The following GPD1L variants were observed in gnomAD, a reference collection of about 807,000 sequenced individuals.
GPD1L encodes glycerol-3-phosphate dehydrogenase 1-like protein.
In GPD1L, 17 loss-of-function variants were observed where a neutral mutation model predicts 32.9. That is an observed-to-expected ratio of 0.52 (90% CI 0.35 to 0.78). The LOEUF is 0.78. GPD1L is among the 30% of genes least tolerant of loss of function. The pLI is 0.01. For synonymous variants in GPD1L, 187 were observed against 165.9 expected (o/e 1.13, Z -0.98); for missense variants, 361 against 447.8 (o/e 0.81, Z 1.75).
At chr3:32,127,282 T>C (rs1700524210) in intron 1 of GPD1L, among the ~76,000 whole-genome samples, 1 of 152,186 alleles carries the variant, frequency 6.6e-6, no homozygotes. Flanking sequence ...AAACAAACTG[T>C]TTCTCAGTTG....
chr3:32,110,746 G>A (rs1392848170), intron 1 of GPD1L, among the ~76,000 whole-genome samples: 1 of 152,230 alleles, frequency 6.6e-6, no homozygotes. Context: ...GCCCACTGCC[G>A]CAGGTGCAGG....
At chr3:32,130,734 C>T (rs1488363413) in intron 2 of GPD1L, among the ~76,000 whole-genome samples, 4 of 145,194 alleles carry the variant, frequency 2.8e-5, no homozygotes, top group Non-Finnish European at 4.4e-5. Flanking sequence ...ACTTTGGGAC[C>T]GAGCGCAGTG....
chr3:32,138,089 A>T (rs1700691511), intron 2 of GPD1L, among the ~76,000 whole-genome samples: 1 of 152,222 alleles, frequency 6.6e-6, no homozygotes, highest in Non-Finnish European at 1.5e-5. Context: ...GAGCCTAGGC[A>T]GAAGTGGCCC....
intron 2 of GPD1L, among the ~76,000 whole-genome samples, chr3:32,133,266 T>C (rs1388450931): frequency 6.6e-6 from 1 of 152,162 alleles, no homozygotes; most frequent in African/African-American, 2.4e-5. Flanking sequence ...GAAGTAGACA[T>C]AACTAGTGGC....
intron 1 of GPD1L, among the ~76,000 whole-genome samples, chr3:32,123,398 A>G (rs1700453888): frequency 6.6e-6 from 1 of 152,190 alleles, no homozygotes; most frequent in African/African-American, 2.4e-5. Context: ...TGCTGGAGAG[A>G]TGGTAACCAC....
chr3:32,137,867 G>T (rs2125484739), intron 2 of GPD1L, among the ~76,000 whole-genome samples: 1 of 152,316 alleles, frequency 6.6e-6, no homozygotes, highest in South Asian at 2.1e-4. Flanking sequence ...TTTAGTGTGG[G>T]ATCATTTACA....
At chr3:32,144,822 AACACACACACAC>A (rs60130762) in intron 4 of GPD1L, among the ~76,000 whole-genome samples, 4 of 142,064 alleles carry the variant, frequency 2.8e-5, no homozygotes, top group African/African-American at 5.2e-5. Context: ...AGTAGCTGGG[AACACACACACAC>A]ACACACACAC....
intron 1 of GPD1L, among the ~76,000 whole-genome samples, chr3:32,118,810 A>G (rs1281873972): frequency 6.6e-6 from 1 of 152,134 alleles, no homozygotes; most frequent in Non-Finnish European, 1.5e-5. Context: ...CCACGCTTCT[A>G]CTTTCTGTCT....
chr3:32,144,849 A>ACG (rs1226776555), intron 4 of GPD1L, among the ~76,000 whole-genome samples: 2 of 151,298 alleles, frequency 1.3e-5, no homozygotes, highest in Non-Finnish European at 2.9e-5. Flanking sequence ...ACACACACAC[A>ACG]CACACCACCA....
At position 32,146,720 on chromosome 3, in the gene GPD1L, T is replaced by C. The variant is rs768686126; in HGVS notation, c.604T>C (p.Cys202Arg). The stretch of plus-strand genomic sequence containing the variant: ...TGATGATGCAGACACTGTTGAACTC[T>C]GTGGTGCGCTTAAGGTAAAGTCAGC... Reference protein sequence around the residue: ...VVDDADTVELCGALKNIVAVG... With the variant: ...VVDDADTVELRGALKNIVAVG... The change falls in exon 5 of 8, where the codon TGT becomes CGT. Residue 202 changes from cysteine to arginine, a missense_variant. Coordinates refer to ENST00000282541, the MANE Select transcript of GPD1L (RefSeq NM_015141.4). 3 of 1,604,234 alleles carry C rather than the reference T, an allele frequency of 1.9e-6. No individual in the cohort carries two copies. The highest frequency in any genetic ancestry group is 1.7e-6 in the Non-Finnish European group (2 of 1,171,048).
intron 2 of GPD1L, among the ~76,000 whole-genome samples, chr3:32,133,614 A>T (rs1700618162): frequency 6.6e-6 from 1 of 152,150 alleles, no homozygotes; most frequent in African/African-American, 2.4e-5. Flanking sequence ...TTTTCTTCAG[A>T]TTTGATCCAG....
At position 32,111,527 on chromosome 3, in the gene GPD1L, G is replaced by A. The variant is rs555553989; in HGVS notation, c.47+4769G>A. 3.3e-5 allele frequency among the ~76,000 whole-genome samples: 5 copies of A among 152,274 alleles called. No homozygotes were observed. In the South Asian group the frequency reaches 1.0e-3, roughly 32 times the overall value. ...GGTGACTAGCACTCAGTAAATGACA[G>A]TTGCTATTAGTATTATTAGTTTCAT... is the stretch of plus-strand genomic sequence containing the variant. On this transcript the variant is annotated intron_variant, in intron 1 of 7. Transcript: ENST00000282541.
chr3:32,127,597 T>C (rs747018068), intron 1 of GPD1L, among the ~76,000 whole-genome samples: 6 of 152,218 alleles, frequency 3.9e-5, no homozygotes, highest in Non-Finnish European at 7.3e-5. Context: ...GAGTGCAAAG[T>C]ACTCAACAAC....
intron 1 of GPD1L, among the ~76,000 whole-genome samples, chr3:32,122,592 A>G (rs1700438781): frequency 1.3e-5 from 2 of 152,312 alleles, no homozygotes; most frequent in Admixed American, 6.5e-5. Flanking sequence ...CTATGTAAAG[A>G]CCCAGGACTG....
rs554250592 is a variant in GPD1L, at chr3:32,135,969, G to A, written c.226-2618G>A. On this transcript the variant is annotated intron_variant, in intron 2 of 7. Coordinates refer to ENST00000282541, the MANE Select transcript of GPD1L (RefSeq NM_015141.4). ...GCCTTTGGATCTGCCACTAACGGTG[G>A]AGAAGTGCTGAGCTTTGGGTTTTGA... is the stretch of plus-strand genomic sequence containing the variant. Among the ~76,000 whole-genome samples, 4 of 152,328 alleles carry A rather than the reference G, an allele frequency of 2.6e-5. No individual in the cohort carries two copies. The South Asian group carries it at 6.2e-4, about 24-fold the overall frequency.
chr3:32,108,521 A>G (rs1700197084), intron 1 of GPD1L, among the ~76,000 whole-genome samples: 1 of 152,200 alleles, frequency 6.6e-6, no homozygotes. Context: ...TCAAAAGAAC[A>G]AAACAAAACA....
chr3:32,156,568 C>A (rs539693098), intron 5 of GPD1L, among the ~76,000 whole-genome samples: 1 of 152,160 alleles, frequency 6.6e-6, no homozygotes, highest in Non-Finnish European at 1.5e-5. Context: ...GGGCTCTGTT[C>A]TGTGGGTCTG....
chr3:32,163,155 T>C (rs1327450799), intron 7 of GPD1L, among the ~76,000 whole-genome samples: 2 of 147,314 alleles, frequency 1.4e-5, no homozygotes. Flanking sequence ...GGCTGACTGG[T>C]TTGTCCTTTT....
intron 5 of GPD1L, among the ~76,000 whole-genome samples, chr3:32,155,264 C>A (rs1304534766): frequency 6.6e-6 from 1 of 152,176 alleles, no homozygotes; most frequent in African/African-American, 2.4e-5. Context: ...GGCCACTAAA[C>A]CTCTCTGAGC....
Sources: allele counts gnomAD v4.1 joint callset (sites outside exome capture counted in the v4.1 genomes callset), GRCh38; gene constraint gnomAD v4.1.1; transcripts MANE v1.5; gene names NCBI Gene and HGNC (gene_info 2026-07-23, HGNC 2026-07-21).